TTC7A: variants seen among roughly 807,000 people sequenced by gnomAD.
TTC7A encodes tetratricopeptide repeat protein 7A.
In TTC7A, 110 loss-of-function variants were observed where a neutral mutation model predicts 103.7. The observed-to-expected ratio is 1.06, with a 90% confidence interval of 0.91 to 1.24. The LOEUF (loss-of-function observed/expected upper bound fraction) is 1.24, where lower values mean the gene tolerates loss of function less well. TTC7A is among the 50% of genes most tolerant of loss of function. The pLI is 0.00. For synonymous variants in TTC7A, 521 were observed against 467.9 expected (o/e 1.11, Z -1.47); for missense variants, 1,340 against 1,116.3 (o/e 1.20, Z -2.86).
rs149023769 is a variant in TTC7A, at chr2:46,981,485, G to A, written c.764+2578G>A. 8.0e-3 allele frequency among the ~76,000 whole-genome samples: 1,216 copies of A among 152,268 alleles called. 6 individuals carry two copies. Among genetic ancestry groups the A allele is most frequent in the Non-Finnish European group, 0.014 (954 of 68,000 alleles). On this transcript the variant is annotated intron_variant, in intron 5 of 19. Coordinates refer to ENST00000319190, the MANE Select transcript of TTC7A (RefSeq NM_020458.4). ...AGGCGAAATGGGAGGAGTCTGGGAG[G>A]GGCAGAGAGGGTGGGATGAGGCTGA...
At chr2:47,025,324 G>A (rs1679774275) in intron 14 of TTC7A, among the ~76,000 whole-genome samples, 1 of 152,188 alleles carries the variant, frequency 6.6e-6, no homozygotes, top group African/African-American at 2.4e-5. Context: ...CTGAGGCCGA[G>A]CCAGCATAGA....
chr2:46,974,175 C>T (rs1673631096), intron 3 of TTC7A, among the ~76,000 whole-genome samples: 1 of 152,164 alleles, frequency 6.6e-6, no homozygotes, highest in African/African-American at 2.4e-5. Context: ...TGACTTTATT[C>T]CAAAGCTTAG....
At chr2:46,952,163 T>A (rs1440253361) in intron 2 of TTC7A, among the ~76,000 whole-genome samples, 1 of 152,110 alleles carries the variant, frequency 6.6e-6, no homozygotes, top group Non-Finnish European at 1.5e-5. Flanking sequence ...TTAAGGTTAC[T>A]GCTTTTAGGC....
At chr2:47,027,501 A>G (rs1436532108) in intron 14 of TTC7A, among the ~76,000 whole-genome samples, 1 of 152,262 alleles carries the variant, frequency 6.6e-6, no homozygotes, top group African/African-American at 2.4e-5. Flanking sequence ...TTGCATGTAC[A>G]TTAGCTCTTT....
At chr2:47,062,744 A>G (rs756711327) in intron 19 of TTC7A, among the ~76,000 whole-genome samples, 3 of 152,152 alleles carry the variant, frequency 2.0e-5, no homozygotes, top group Non-Finnish European at 4.4e-5. Flanking sequence ...GTTTGTAGCT[A>G]TTTTCCTGAA....
intron 12 of TTC7A, among the ~76,000 whole-genome samples, chr2:47,022,678 G>T (rs1042765235): frequency 2.6e-5 from 4 of 152,126 alleles, no homozygotes; most frequent in African/African-American, 9.7e-5. Context: ...TGCTGGGAGC[G>T]GCAGTCACGG....
chr2:46,993,892 C>T (rs1293944082), intron 6 of TTC7A, among the ~76,000 whole-genome samples: 1 of 152,220 alleles, frequency 6.6e-6, no homozygotes, highest in Non-Finnish European at 1.5e-5. Context: ...TGCCCCAACA[C>T]AGGCCTGCCC....
intron 19 of TTC7A, among the ~76,000 whole-genome samples, chr2:47,073,073 C>T (rs1281397028): frequency 2.0e-5 from 3 of 152,194 alleles, no homozygotes; most frequent in Non-Finnish European, 4.4e-5. Context: ...CCATCCCCCG[C>T]CATCTGACTC....
chr2:47,023,597 C>T, intron 13 of TTC7A, 132 bp downstream of exon 13: 1 of 985,946 alleles, frequency 1.0e-6, no homozygotes, highest in Non-Finnish European at 1.5e-6. Flanking sequence ...GAGGGAACTG[C>T]ACACAGCAAG....
rs773736847 is a variant in TTC7A, at chr2:47,029,384, A to G, written c.1802A>G (p.Asn601Ser). 1 of 1,613,548 alleles carries G rather than the reference A, an allele frequency of 6.2e-7. No homozygotes were observed. The highest frequency in any genetic ancestry group is 8.5e-7 in the Non-Finnish European group (1 of 1,179,986). The change falls in exon 15 of 20, where the codon AAC becomes AGC. Residue 601 changes from asparagine to serine, a missense_variant and splice_region_variant. Physicochemically the swap from Asn to Ser is conservative, Grantham distance 46. Coordinates refer to ENST00000319190, the MANE Select transcript of TTC7A (RefSeq NM_020458.4). ...ATCACCGAGCACCCTGAGAACTTCA[A>G]GTGAGTGCCCTGGGAACACTCTGGC... The part of the protein sequence containing the change: ...MAITEHPENF[N>S]LMFTKVKLEQ...
At position 46,950,438 on chromosome 2, in the gene TTC7A, A is replaced by T. The variant is rs1572699325; in HGVS notation, c.260A>T (p.Asp87Val). 1 of 1,613,916 alleles carries T rather than the reference A, an allele frequency of 6.2e-7. No homozygotes were observed. Among genetic ancestry groups the T allele is most frequent in the Middle Eastern group, 1.6e-4 (1 of 6,062 alleles). Residue 87 changes from aspartate to valine, a missense_variant, in exon 2 of 20, where the codon GAC becomes GTC. Asp to Val is a radical substitution (Grantham distance 152, BLOSUM62 -3). Coordinates refer to ENST00000319190, the MANE Select transcript of TTC7A (RefSeq NM_020458.4). ...CLKENHAKIKDSMPLLEKNEP... is the reference protein window; with the variant it reads ...CLKENHAKIKVSMPLLEKNEP... ...AAGGAGAACCATGCCAAAATAAAAG[A>T]CTCCATGCCTTTGCTGGAGAAGAAT...
chr2:46,949,585 C>T (rs921406530), intron 1 of TTC7A, among the ~76,000 whole-genome samples: 1 of 152,168 alleles, frequency 6.6e-6, no homozygotes, highest in Admixed American at 6.5e-5. Context: ...AAATGAGCTA[C>T]CCTCATTTGC....
intron 18 of TTC7A, among the ~76,000 whole-genome samples, chr2:47,056,872 G>T (rs1440663652): frequency 6.6e-6 from 1 of 151,430 alleles, no homozygotes; most frequent in Non-Finnish European, 1.5e-5. Flanking sequence ...GACGCTGAGG[G>T]TGCAGCAGGG....
At chr2:46,982,757 AG>A (rs1393198847) in intron 5 of TTC7A, among the ~76,000 whole-genome samples, 1 of 152,294 alleles carries the variant, frequency 6.6e-6, no homozygotes, top group East Asian at 1.9e-4. Context: ...GGAGCCCACA[AG>A]TTTGAGACCA....
intron 5 of TTC7A, among the ~76,000 whole-genome samples, chr2:46,992,324 G>T (rs1042083858): frequency 2.0e-5 from 3 of 152,216 alleles, no homozygotes; most frequent in Non-Finnish European, 4.4e-5. Flanking sequence ...AAATGACCTT[G>T]AGTGGTTTTA....
chr2:46,920,804 C>T (rs949311847), intron 2 of TTC7A, among the ~76,000 whole-genome samples: 2 of 151,982 alleles, frequency 1.3e-5, no homozygotes, highest in African/African-American at 2.4e-5. Flanking sequence ...TGAGGTCTCC[C>T]CTGCCTGAGG....
At chr2:46,944,284 G>A (rs1314575957) in intron 1 of TTC7A, among the ~76,000 whole-genome samples, 1 of 151,664 alleles carries the variant, frequency 6.6e-6, no homozygotes, top group South Asian at 2.1e-4. Flanking sequence ...ACGAACTCAC[G>A]AAGTCTCGTC....
chr2:46,997,017 C>T (rs557291381), intron 8 of TTC7A, among the ~76,000 whole-genome samples: 1 of 152,070 alleles, frequency 6.6e-6, no homozygotes, highest in South Asian at 2.1e-4. Flanking sequence ...CTCCCTTTAT[C>T]GTTCAGACTG....
chr2:46,999,561 A>C (rs1676579436), intron 8 of TTC7A: 1 of 985,442 alleles, frequency 1.0e-6, no homozygotes, highest in South Asian at 4.7e-5. Flanking sequence ...TCCTGTCCCA[A>C]ATGGACTCCC....
Sources: allele counts gnomAD v4.1 joint callset (sites outside exome capture counted in the v4.1 genomes callset), GRCh38; gene constraint gnomAD v4.1.1; transcripts MANE v1.5; gene names NCBI Gene and HGNC (gene_info 2026-07-23, HGNC 2026-07-21).